Variants in ROBO2 observed in about 807,000 individuals in gnomAD.
The protein encoded by ROBO2 is roundabout guidance receptor 2, also known as roundabout homolog 2.
Under a neutral mutation model 160.8 loss-of-function variants are expected in ROBO2, and 53 were observed. The observed-to-expected ratio is 0.33, with a 90% CI of 0.26 to 0.41. ROBO2 has a LOEUF of 0.41. Among genes scored for constraint, ROBO2 ranks in the 10% least tolerant of loss-of-function variants. ROBO2 has a pLI of 1.00. For missense variants in ROBO2, 1,577 were observed against 1,722.4 expected, an observed-to-expected ratio of 0.92 and a Z score of 1.49; for synonymous variants, 664 against 611.7, an observed-to-expected ratio of 1.09 and a Z score of -1.26.
At chr3:76,895,156 C>G (rs2074669637) in intron 2 of ROBO2, among the ~76,000 whole-genome samples, 2 of 151,848 alleles carry the variant, frequency 1.3e-5, no homozygotes, top group African/African-American at 4.8e-5. Flanking sequence ...CTTACATTCT[C>G]TTGTTGAAGT....
At chr3:76,522,169 C>T (rs939730412) in intron 2 of ROBO2, among the ~76,000 whole-genome samples, 2 of 152,170 alleles carry the variant, frequency 1.3e-5, no homozygotes, top group African/African-American at 2.4e-5. Flanking sequence ...GGCCCCTCCT[C>T]ACCCTAACAG....
At chr3:77,029,514 G>A (rs2063180943) in intron 2 of ROBO2, among the ~76,000 whole-genome samples, 1 of 152,166 alleles carries the variant, frequency 6.6e-6, no homozygotes, top group African/African-American at 2.4e-5. Flanking sequence ...TCTTCTATTT[G>A]CTGCCATAGG....
intron 2 of ROBO2, among the ~76,000 whole-genome samples, chr3:76,707,731 G>GTATATATATATATATATA (rs56401900): frequency 1.2e-4 from 16 of 134,172 alleles, no homozygotes; most frequent in South Asian, 2.5e-4. Context: ...ACATGTGTGT[G>GTATATATATATATATATA]TATATATATA....
At chr3:76,568,691 T>G (rs1245903377) in intron 2 of ROBO2, among the ~76,000 whole-genome samples, 1 of 152,196 alleles carries the variant, frequency 6.6e-6, no homozygotes, top group African/African-American at 2.4e-5. Flanking sequence ...CAGTCATCAT[T>G]AAAGCATAAT....
chr3:76,233,748 T>C (rs1317042248), intron 2 of ROBO2, among the ~76,000 whole-genome samples: 1 of 152,232 alleles, frequency 6.6e-6, no homozygotes, highest in Non-Finnish European at 1.5e-5. Flanking sequence ...CTTTGGTGCA[T>C]TACCAAAAGG....
chr3:76,681,994 A>G (rs957336091), intron 2 of ROBO2, among the ~76,000 whole-genome samples: 3 of 152,124 alleles, frequency 2.0e-5, no homozygotes, highest in Non-Finnish European at 2.9e-5. Context: ...ACGGGAGGTC[A>G]TATGTGTGCC....
At chr3:77,341,793 A>C (rs1460747736) in intron 2 of ROBO2, among the ~76,000 whole-genome samples, 2 of 152,136 alleles carry the variant, frequency 1.3e-5, no homozygotes, top group African/African-American at 4.8e-5. Context: ...AGAATTTTTC[A>C]GAGGCCATGT....
chr3:77,406,805 C>T (rs2076287762), intron 2 of ROBO2, among the ~76,000 whole-genome samples: 1 of 152,030 alleles, frequency 6.6e-6, no homozygotes, highest in African/African-American at 2.4e-5. Context: ...ACTATTTTTG[C>T]TCTTTGAATT....
Position 77,134,614 on chromosome 3 carries a change from C to T in ROBO2, c.388+36274C>T, listed in dbSNP as rs570012626. Among the ~76,000 whole-genome samples the T allele has an allele frequency of 4.5e-4, 69 of 152,150 alleles. 1 individual carries two copies. The highest frequency in any genetic ancestry group is 7.9e-4 in the Non-Finnish European group (54 of 68,024). On this transcript the variant is annotated intron_variant, in intron 2 of 25. Coordinates refer to ENST00000461745, the Ensembl canonical transcript of ROBO2. ...ACCAACAGCTCTGCCGTGAGGATAT[C>T]GTGAATGTTCACATCTTTACCTGTC...
intron 2 of ROBO2, among the ~76,000 whole-genome samples, chr3:77,401,678 A>G (rs150284529): frequency 5.3e-5 from 8 of 152,256 alleles, no homozygotes; most frequent in Middle Eastern, 3.4e-3. Context: ...AGAGCAGGAG[A>G]GTACCCTCCC....
At chr3:76,310,444 T>A (rs773016103) in intron 2 of ROBO2, among the ~76,000 whole-genome samples, 17 of 152,224 alleles carry the variant, frequency 1.1e-4, no homozygotes, top group Admixed American at 2.6e-4. Context: ...CTGACTTCAT[T>A]GAACACAGAG....
At chr3:75,946,200 C>T (rs1948284957) in intron 2 of ROBO2, among the ~76,000 whole-genome samples, 1 of 151,830 alleles carries the variant, frequency 6.6e-6, no homozygotes, top group African/African-American at 2.4e-5. Context: ...GCTGAAGACA[C>T]AAAATGATGT....
chr3:76,935,396 C>G (rs764237498), intron 2 of ROBO2, among the ~76,000 whole-genome samples: 10 of 152,146 alleles, frequency 6.6e-5, no homozygotes, highest in Non-Finnish European at 1.3e-4. Context: ...TAATTTTTGT[C>G]AATTGTCTTG....
At chr3:76,106,327 T>G (rs1321534016) in intron 2 of ROBO2, among the ~76,000 whole-genome samples, 1 of 152,164 alleles carries the variant, frequency 6.6e-6, no homozygotes, top group African/African-American at 2.4e-5. Context: ...CTGCGTGATA[T>G]TATATATTTG....
intron 2 of ROBO2, among the ~76,000 whole-genome samples, chr3:77,168,099 TATTG>T (rs1346898024): frequency 1.3e-5 from 2 of 152,194 alleles, no homozygotes; most frequent in Non-Finnish European, 2.9e-5. Flanking sequence ...CCTATGAAGG[TATTG>T]ATTGTGTCCA....
intron 2 of ROBO2, among the ~76,000 whole-genome samples, chr3:77,457,795 G>T (rs1018089629): frequency 1.3e-5 from 2 of 151,466 alleles, no homozygotes; most frequent in South Asian, 2.1e-4. Context: ...TATTTTGTTC[G>T]GTCAAAATAG....
At chr3:77,556,812 A>G (rs1358951052) in intron 8 of ROBO2, among the ~76,000 whole-genome samples, 1 of 151,848 alleles carries the variant, frequency 6.6e-6, no homozygotes, top group Non-Finnish European at 1.5e-5. Flanking sequence ...ATTCTTTTAT[A>G]TACTACATGT....
At chr3:76,432,213 T>C (rs552723151) in intron 2 of ROBO2, among the ~76,000 whole-genome samples, 1 of 152,316 alleles carries the variant, frequency 6.6e-6, no homozygotes, top group African/African-American at 2.4e-5. Flanking sequence ...CAGTATATAT[T>C]CTGCTCTAGT....
chr3:76,722,389 G>A (rs1384182841), intron 2 of ROBO2, among the ~76,000 whole-genome samples: 1 of 152,002 alleles, frequency 6.6e-6, no homozygotes, highest in Non-Finnish European at 1.5e-5. Flanking sequence ...CAAAGTGCTA[G>A]GACTACAGGC....
Sources: gnomAD v4.1 joint callset for allele counts (sites outside exome capture counted in the v4.1 genomes callset) on GRCh38, gnomAD v4.1.1 for gene constraint, MANE v1.5 for transcripts, NCBI Gene and HGNC (gene_info 2026-07-23, HGNC 2026-07-21) for gene names.